The following ZNF721 variants were observed in gnomAD, a reference collection of about 807,000 sequenced individuals.
The protein encoded by ZNF721 is zinc finger protein 721.
ZNF721 carries 2 observed loss-of-function variants against 2.4 expected under a neutral mutation model. The observed-to-expected ratio is 0.82, with a 90% CI of 0.34 to 2.58. The LOEUF (loss-of-function observed/expected upper bound fraction) is 2.58. Among genes scored for constraint, ZNF721 ranks in the 30% most tolerant of loss-of-function variants. The pLI is 0.11. For missense variants in ZNF721, 1,187 were observed against 1,085.5 expected (o/e 1.09, Z -1.31); for synonymous variants, 398 against 381.8 (o/e 1.04, Z -0.50).
At chr4:497,732 C>CCAAAA (rs1553872716) in intron 1 of ZNF721, among the ~76,000 whole-genome samples, 42 of 123,988 alleles carry the variant, frequency 3.4e-4, no homozygotes, top group Admixed American at 5.0e-4. Context: ...CTAAAAAATA[C>CCAAAA]AAAAAAAAAA....
chr4:455,910 G>A (rs1447182038), intron 2 of ZNF721, among the ~76,000 whole-genome samples: 1 of 151,844 alleles, frequency 6.6e-6, no homozygotes, highest in East Asian at 1.9e-4. Context: ...ACCTAAAAAG[G>A]TTCCATTTTT....
intron 2 of ZNF721, among the ~76,000 whole-genome samples, chr4:465,606 G>C (rs1242255942): frequency 6.6e-6 from 1 of 151,726 alleles, no homozygotes; most frequent in Non-Finnish European, 1.5e-5. Context: ...TAATTTTTTT[G>C]TATTTTTAGT....
chr4:478,650 C>T (rs1338469044), intron 1 of ZNF721, among the ~76,000 whole-genome samples: 3 of 152,104 alleles, frequency 2.0e-5, no homozygotes, highest in African/African-American at 7.2e-5. Context: ...TAGCTTCCAA[C>T]TTTTGATTTT....
intron 1 of ZNF721, among the ~76,000 whole-genome samples, chr4:479,706 C>T (rs562142500): frequency 3.9e-5 from 6 of 152,354 alleles, no homozygotes; most frequent in South Asian, 2.1e-4. Flanking sequence ...AGAAGCAGTG[C>T]TCCTGCTGTC....
At chr4:466,908 C>T (rs1467657531) in intron 2 of ZNF721, among the ~76,000 whole-genome samples, 2 of 152,194 alleles carry the variant, frequency 1.3e-5, no homozygotes, top group Non-Finnish European at 2.9e-5. Flanking sequence ...CATCCTTCAA[C>T]AGATGAATAA....
rs782245693 is a variant in ZNF721, at chr4:443,765, T to C, written c.702A>G (p.Ser234=). 1.2e-6 allele frequency: 2 copies of C among 1,614,024 alleles called. No individual in the cohort carries two copies. The highest frequency in any genetic ancestry group is 1.1e-5 in the South Asian group (1 of 91,076). The change falls in exon 3 of 3, where the codon TCA becomes TCG. Residue 234 remains serine, a synonymous_variant. Transcript: ENST00000511833. The part of the protein sequence containing the change: ...KECGKAFMHS[S]HLNKHEKIHT... ...GAATTTTCTCATGTTTATTCAGGTGTGAGGAATGCATAAAGGCTTTCCCAC... is the reference window on the plus strand; with the variant it reads ...GAATTTTCTCATGTTTATTCAGGTGCGAGGAATGCATAAAGGCTTTCCCAC...
intron 1 of ZNF721, among the ~76,000 whole-genome samples, chr4:496,458 G>C (rs1177768031): frequency 6.6e-6 from 1 of 152,096 alleles, no homozygotes; most frequent in Non-Finnish European, 1.5e-5. Flanking sequence ...GCATGTCTTA[G>C]GCAGCATTCC....
intron 2 of ZNF721, among the ~76,000 whole-genome samples, chr4:458,011 TCAGTTC>T (rs1553865592): frequency 6.6e-6 from 1 of 152,182 alleles, no homozygotes; most frequent in Admixed American, 6.6e-5. Context: ...GCCCTATGAA[TCAGTTC>T]CACACCCTCT....
At chr4:466,972 A>C (rs1715271732) in intron 2 of ZNF721, among the ~76,000 whole-genome samples, 1 of 152,080 alleles carries the variant, frequency 6.6e-6, no homozygotes, top group South Asian at 2.1e-4. Flanking sequence ...TAATCCCAGC[A>C]CTTTGGGAGG....
chr4:443,247 T>C lies in ZNF721; in HGVS notation c.1220A>G (p.His407Arg), dbSNP rs781834042. 18 of 1,613,950 alleles carry C rather than the reference T, an allele frequency of 1.1e-5. No homozygotes were observed. The highest frequency in any genetic ancestry group is 1.4e-5 in the Non-Finnish European group (17 of 1,179,964). Residue 407 changes from histidine (H) to arginine (R), a missense_variant, in exon 3 of 3, where the codon CAT becomes CGT. Transcript: ENST00000511833. Reference protein sequence around the residue: ...AFNSSTNLTAHKRIHTREKPY... With the variant: ...AFNSSTNLTARKRIHTREKPY... ...TTTCTCTCTGGTGTGAATTCTCTTA[T>C]GTGCAGTAAGGTTTGTTGAACTATT...
intron 2 of ZNF721, among the ~76,000 whole-genome samples, chr4:472,328 G>A (rs1409817507): frequency 2.0e-5 from 3 of 152,184 alleles, no homozygotes; most frequent in African/African-American, 7.2e-5. Flanking sequence ...CCAAAGTGCT[G>A]GGATTACAGG....
chr4:493,922 G>T (rs1716086254), intron 1 of ZNF721, among the ~76,000 whole-genome samples: 2 of 152,094 alleles, frequency 1.3e-5, no homozygotes, highest in Admixed American at 1.3e-4. Flanking sequence ...AAAAATGTCT[G>T]CTGGTAATTC....
intron 2 of ZNF721, among the ~76,000 whole-genome samples, chr4:463,963 T>C (rs1405171261): frequency 6.6e-6 from 1 of 152,072 alleles, no homozygotes; most frequent in African/African-American, 2.4e-5. Flanking sequence ...GAATTCAAAA[T>C]AATTATCTTA....
chr4:473,805 G>A (rs1349687429), intron 1 of ZNF721, among the ~76,000 whole-genome samples: 1 of 152,230 alleles, frequency 6.6e-6, no homozygotes, highest in Non-Finnish European at 1.5e-5. Flanking sequence ...CTGGGCCAGA[G>A]CAGCCTTGCG....
intron 1 of ZNF721, among the ~76,000 whole-genome samples, chr4:483,662 G>A (rs1347010921): frequency 6.6e-6 from 1 of 152,138 alleles, no homozygotes; most frequent in Non-Finnish European, 1.5e-5. Context: ...CTAGTCTATA[G>A]CTACACAAAT....
intron 1 of ZNF721, among the ~76,000 whole-genome samples, chr4:492,869 T>C (rs922213102): frequency 2.0e-5 from 3 of 151,716 alleles, no homozygotes; most frequent in African/African-American, 7.2e-5. Context: ...TCTTTTACCT[T>C]GTTTTACACA....
intron 1 of ZNF721, among the ~76,000 whole-genome samples, chr4:481,787 T>G (rs909281091): frequency 1.3e-5 from 2 of 152,218 alleles, no homozygotes; most frequent in African/African-American, 2.4e-5. Flanking sequence ...GCGTCCACCT[T>G]TGGCTCAGTC....
At position 443,044 on chromosome 4, in the gene ZNF721, A is replaced by G. The variant is rs935607078; in HGVS notation, c.1423T>C (p.Cys475Arg). The change falls in exon 3 of 3, where the codon TGT becomes CGT. Residue 475 changes from cysteine to arginine, a missense_variant. Coordinates refer to ENST00000511833, the MANE Select transcript of ZNF721 (RefSeq NM_133474.4). ...GTAATGACTTTGCCACATTGCTTAC[A>G]TTTGTAGGGTTTCTTTCCAGTATGA... ...KIHTGKKPYK[C>R]KQCGKVITSS... The G allele has an allele frequency of 3.7e-5, 60 of 1,613,700 alleles. No individual in the cohort carries two copies. The highest frequency in any genetic ancestry group is 4.9e-5 in the Non-Finnish European group (58 of 1,179,784).
rs549002922 is a variant in ZNF721 at position 442,773 on chromosome 4, G to A, written c.1694C>T (p.Thr565Ile). ...ATAAAGGTTTGCGGACTGTCTAAAG[G>A]TTTTGCCACATTCTTCACATGTGTA... Reference protein sequence around the residue: ...KPYTCEECGKTFRQSANLYVH... With the variant: ...KPYTCEECGKIFRQSANLYVH... Residue 565 changes from threonine to isoleucine, a missense_variant, in exon 3 of 3, where the codon ACC (threonine) becomes ATC (isoleucine). Coordinates refer to ENST00000511833, the MANE Select transcript of ZNF721 (RefSeq NM_133474.4). 6.2e-7 allele frequency: 1 copy of A among 1,614,016 alleles called. No individual in the cohort carries two copies. Among genetic ancestry groups the A allele is most frequent in the Non-Finnish European group, 8.5e-7 (1 of 1,180,000 alleles).
Sources: allele counts gnomAD v4.1 joint callset (sites outside exome capture counted in the v4.1 genomes callset), GRCh38; gene constraint gnomAD v4.1.1; transcripts MANE v1.5; gene names NCBI Gene and HGNC (gene_info 2026-07-23, HGNC 2026-07-21).